Variants in TTLL5 observed in about 807,000 individuals in gnomAD.
The protein encoded by TTLL5 is tubulin tyrosine ligase like 5.
TTLL5 carries 132 observed loss-of-function variants against 168.4 expected under a neutral mutation model. That is an observed-to-expected ratio of 0.78 (90% confidence interval 0.68 to 0.91). TTLL5 has a LOEUF of 0.91. Among genes scored for constraint, TTLL5 ranks in the 40% least tolerant of loss-of-function variants. The pLI, the probability that TTLL5 is intolerant of heterozygous loss-of-function variation, is 0.00. For synonymous variants in TTLL5, 546 were observed against 558.6 expected (o/e 0.98, Z 0.32); for missense variants, 1,545 against 1,581.5 (o/e 0.98, Z 0.39).
At chr14:75,778,657 C>T (rs1891863052) in intron 23 of TTLL5, among the ~76,000 whole-genome samples, 1 of 152,024 alleles carries the variant, frequency 6.6e-6, no homozygotes. Context: ...GCATTCTTCA[C>T]TTAATAGCCA....
At chr14:75,733,966 C>T in intron 13 of TTLL5, 23 bp from the exon 14 acceptor site, 1 of 1,613,172 alleles carries the variant, frequency 6.2e-7, no homozygotes, top group Non-Finnish European at 8.5e-7. Flanking sequence ...ATCAATTGCT[C>T]TTTTCTTTCT....
At chr14:75,794,921 T>C (rs555157116) in intron 27 of TTLL5, among the ~76,000 whole-genome samples, 14 of 152,334 alleles carry the variant, frequency 9.2e-5, no homozygotes, top group Non-Finnish European at 1.9e-4. Flanking sequence ...ACTGATTAGC[T>C]ATGTGATCTT....
chr14:75,804,041 A>T lies in TTLL5; in HGVS notation c.3171+10941A>T, dbSNP rs1250824941. On this transcript the variant is annotated intron_variant, in intron 27 of 31. Transcript: ENST00000298832. ...CACCCAGGCGGGGGCTCCAGTGTGA[A>T]CGAATGTGCTGTGTCAGTCTCTGCT... 2.0e-5 allele frequency among the ~76,000 whole-genome samples: 3 copies of T among 152,158 alleles called. No homozygotes were observed. In the East Asian group the frequency reaches 5.8e-4, roughly 29 times the overall value.
chr14:75,750,798 TATTA>T (rs1050589418), intron 17 of TTLL5, among the ~76,000 whole-genome samples: 1 of 152,004 alleles, frequency 6.6e-6, no homozygotes, highest in African/African-American at 2.4e-5. Flanking sequence ...CACAGTAAGA[TATTA>T]ATAGTAACTA....
At chr14:75,823,133 A>G (rs1894928303) in intron 28 of TTLL5, among the ~76,000 whole-genome samples, 1 of 152,190 alleles carries the variant, frequency 6.6e-6, no homozygotes, top group Non-Finnish European at 1.5e-5. Flanking sequence ...TGCAGGTACC[A>G]AGTGTTTATG....
chr14:75,685,986 G>A (rs1885016157), intron 5 of TTLL5, among the ~76,000 whole-genome samples: 2 of 152,166 alleles, frequency 1.3e-5, no homozygotes, highest in African/African-American at 2.4e-5. Context: ...AAGTTCTCTA[G>A]GTGATTCTTA....
chr14:75,817,224 C>T (rs1298550641), intron 27 of TTLL5, among the ~76,000 whole-genome samples: 3 of 151,836 alleles, frequency 2.0e-5, no homozygotes, highest in African/African-American at 4.8e-5. Flanking sequence ...ATGATCCACC[C>T]GCCTTGGCCT....
intron 31 of TTLL5, among the ~76,000 whole-genome samples, chr14:75,931,647 T>G (rs910947175): frequency 9.2e-5 from 14 of 152,146 alleles, no homozygotes; most frequent in African/African-American, 2.9e-4. Context: ...GAAGCTCCCT[T>G]TAAAGTGCAA....
chr14:75,699,847 A>C (rs888155741), intron 7 of TTLL5, among the ~76,000 whole-genome samples: 1 of 152,174 alleles, frequency 6.6e-6, no homozygotes, highest in South Asian at 2.1e-4. Flanking sequence ...ATACATACAC[A>C]TGGTAAATAA....
intron 30 of TTLL5, among the ~76,000 whole-genome samples, chr14:75,892,762 A>G (rs1341414469): frequency 6.6e-6 from 1 of 152,174 alleles, no homozygotes; most frequent in Admixed American, 6.5e-5. Context: ...TCTTTATATG[A>G]GACTATGGGC....
chr14:75,874,142 G>T (rs1270961267), intron 29 of TTLL5, among the ~76,000 whole-genome samples: 1 of 151,616 alleles, frequency 6.6e-6, no homozygotes, highest in African/African-American at 2.4e-5. Context: ...CCCAGGCTGG[G>T]GTGCAGTGGC....
chr14:75,667,844 T>G (rs550849239), intron 2 of TTLL5, among the ~76,000 whole-genome samples: 3 of 137,196 alleles, frequency 2.2e-5, no homozygotes, highest in Non-Finnish European at 4.6e-5. Flanking sequence ...CACTGCAACC[T>G]CCGCCTCCCA....
chr14:75,914,033 A>AAAAAAAAATATATATATATAT, intron 31 of TTLL5, among the ~76,000 whole-genome samples: 2 of 71,102 alleles, frequency 2.8e-5, no homozygotes, highest in African/African-American at 3.1e-4. Context: ...AAAAAAAAAA[A>AAAAAAAAATATATATATATAT]ATATATATAT....
At chr14:75,915,551 T>G (rs2033586601) in intron 31 of TTLL5, among the ~76,000 whole-genome samples, 1 of 152,214 alleles carries the variant, frequency 6.6e-6, no homozygotes, top group South Asian at 2.1e-4. Context: ...GTTGGCAACT[T>G]TAGGCTAATC....
chr14:75,672,742 T>A (rs1933311206), intron 3 of TTLL5, among the ~76,000 whole-genome samples: 1 of 152,174 alleles, frequency 6.6e-6, no homozygotes, highest in South Asian at 2.1e-4. Context: ...AGTTTATGTG[T>A]TTCTAGGTAT....
chr14:75,905,714 C>A (rs1467993496), intron 31 of TTLL5, among the ~76,000 whole-genome samples: 7 of 152,154 alleles, frequency 4.6e-5, no homozygotes, highest in Non-Finnish European at 1.0e-4. Context: ...TGATGGTAAA[C>A]TAAAATAGCA....
At chr14:75,747,165 G>A (rs1889667993) in intron 17 of TTLL5, among the ~76,000 whole-genome samples, 1 of 151,446 alleles carries the variant, frequency 6.6e-6, no homozygotes, top group African/African-American at 2.4e-5. Flanking sequence ...GTATTTCTGT[G>A]TGTCTCTAAG....
At chr14:75,770,194 A>AAT in intron 20 of TTLL5, among the ~76,000 whole-genome samples, 1 of 151,504 alleles carries the variant, frequency 6.6e-6, no homozygotes, top group South Asian at 2.1e-4. Context: ...AAAAAAAAAA[A>AAT]AAAAGAAAAT....
chr14:75,831,021 A>C (rs1895530184), intron 28 of TTLL5, among the ~76,000 whole-genome samples: 1 of 152,220 alleles, frequency 6.6e-6, no homozygotes, highest in Admixed American at 6.5e-5. Context: ...ATTAAAATTA[A>C]ATAAAATGAA....
Sources: allele counts gnomAD v4.1 joint callset (sites outside exome capture counted in the v4.1 genomes callset), GRCh38; gene constraint gnomAD v4.1.1; transcripts MANE v1.5; gene names NCBI Gene and HGNC (gene_info 2026-07-23, HGNC 2026-07-21).